IRF8: variants seen among roughly 807,000 people sequenced by gnomAD.
The protein encoded by IRF8 is interferon regulatory factor 8.
A neutral mutation model predicts 48.7 loss-of-function variants in IRF8; 14 were observed. The observed-to-expected ratio is 0.29, with a 90% confidence interval of 0.19 to 0.45. The LOEUF is 0.45. IRF8 is among the 20% of genes least tolerant of loss of function. The pLI is 1.00. For synonymous variants in IRF8, 278 were observed against 227.3 expected (o/e 1.22, Z -2.01); for missense variants, 493 against 580.7 (o/e 0.85, Z 1.55).
Position 85,914,531 on chromosome 16 carries a change from G to C in IRF8, c.601+11G>C, listed in dbSNP as rs369687185. 123 of 1,613,936 alleles carry C rather than the reference G, an allele frequency of 7.6e-5. No individual in the cohort carries two copies. Among genetic ancestry groups the C allele is most frequent in the Non-Finnish European group, 1.0e-4 (120 of 1,180,012 alleles). On this transcript the variant is annotated intron_variant, in intron 6 of 8. Coordinates refer to ENST00000268638, the MANE Select transcript of IRF8 (RefSeq NM_002163.4). ...ACGCGCACCATTCAGGTACGGGGTGGTCCGGGCTGAGAGGGGCGTGGGCAC... is the reference window on the plus strand; with the variant it reads ...ACGCGCACCATTCAGGTACGGGGTGCTCCGGGCTGAGAGGGGCGTGGGCAC...
chr16:85,914,311 GGT>G (rs1466768809), intron 5 of IRF8, 160 bp from the exon 6 acceptor site: 2 of 758,360 alleles, frequency 2.6e-6, no homozygotes, highest in African/African-American at 3.5e-5. Context: ...TCTCTGCTCT[GGT>G]GGGGAAAAGC....
At chr16:85,904,315 A>G (rs1904921851) in intron 2 of IRF8, among the ~76,000 whole-genome samples, 1 of 152,148 alleles carries the variant, frequency 6.6e-6, no homozygotes, top group African/African-American at 2.4e-5. Context: ...GGGGGCCAGA[A>G]TCAGACCTGA....
chr16:85,921,246 A>T lies in IRF8; in HGVS notation c.1245A>T (p.Arg415Ser), dbSNP rs1346006665. 6.2e-7 allele frequency: 1 copy of T among 1,614,196 alleles called. No individual in the cohort carries two copies. The highest frequency in any genetic ancestry group is 2.2e-5 in the East Asian group (1 of 44,888). The part of the protein sequence containing the change: ...MFPDICASHQ[R>S]SFFRENQQIT... ...CAGATATTTGTGCCTCACACCAGAG[A>T]TCATTTTTCAGAGAAAACCAACAGA... Residue 415 changes from arginine (R) to serine (S), a missense_variant, in exon 9 of 9, where the codon AGA becomes AGT. Physicochemically the swap from Arg to Ser is moderately radical, Grantham distance 110. Coordinates refer to ENST00000268638, the MANE Select transcript of IRF8 (RefSeq NM_002163.4).
intron 6 of IRF8, among the ~76,000 whole-genome samples, chr16:85,914,837 G>C (rs531324425): frequency 6.6e-6 from 1 of 152,130 alleles, no homozygotes; most frequent in Non-Finnish European, 1.5e-5. Context: ...ACCTGGTGTG[G>C]AAGTCGAGGC....
At chr16:85,914,767 G>A (rs578149165) in intron 6 of IRF8, among the ~76,000 whole-genome samples, 10 of 151,658 alleles carry the variant, frequency 6.6e-5, no homozygotes, top group African/African-American at 2.2e-4. Flanking sequence ...TCGAGGCTCC[G>A]TTCCGAGGAT....
At chr16:85,900,656 C>T (rs1035276979) in intron 1 of IRF8, among the ~76,000 whole-genome samples, 19 of 152,184 alleles carry the variant, frequency 1.2e-4, no homozygotes, top group Admixed American at 1.3e-4. Context: ...CTGGCTGCCT[C>T]GGTATTTGCC....
At chr16:85,899,563 C>T (rs764881397) in intron 1 of IRF8, among the ~76,000 whole-genome samples, 2 of 152,194 alleles carry the variant, frequency 1.3e-5, no homozygotes, top group African/African-American at 2.4e-5. Flanking sequence ...GAAACGCGCT[C>T]TATCATCCCA....
At chr16:85,912,368 TTGTG>T (rs1272251091) in intron 4 of IRF8, among the ~76,000 whole-genome samples, 1 of 152,182 alleles carries the variant, frequency 6.6e-6, no homozygotes, top group African/African-American at 2.4e-5. Context: ...TTGCAAAAGG[TTGTG>T]TGTGAGTACT....
chr16:85,911,429 C>G lies in IRF8; in HGVS notation c.359-141C>G, dbSNP rs542540373. The G allele has an allele frequency of 1.4e-5, 10 of 725,536 alleles. No homozygotes were observed. In the African/African-American group the frequency reaches 1.6e-4, roughly 11 times the overall value. 44.9% of individuals were successfully genotyped at this position (725,536 alleles called of 1,614,324 possible). A position where few individuals can be genotyped will look rare whatever the true frequency, so the allele number is the denominator to read the frequency against. ...ATGACTGAAGCATGGGAAAAAAATTCTGTGCCTTTCCCAAACCAATGAAGA... is the reference window on the plus strand; with the variant it reads ...ATGACTGAAGCATGGGAAAAAAATTGTGTGCCTTTCCCAAACCAATGAAGA... On this transcript the variant is annotated intron_variant, in intron 3 of 8. Coordinates refer to ENST00000268638, the MANE Select transcript of IRF8 (RefSeq NM_002163.4).
intron 7 of IRF8, 143 bp from the exon 8 acceptor site, chr16:85,919,966 A>T (rs982403035): frequency 9.8e-6 from 7 of 716,948 alleles, no homozygotes; most frequent in Non-Finnish European, 1.8e-5. Flanking sequence ...AATTTGGCCC[A>T]AGGGCCACCA....
chr16:85,908,573 T>C (rs1304109884), intron 2 of IRF8, among the ~76,000 whole-genome samples: 1 of 152,158 alleles, frequency 6.6e-6, no homozygotes, highest in East Asian at 1.9e-4. Context: ...ATTTTAGGGG[T>C]TGATCTGAAA....
At chr16:85,918,926 C>T (rs1905431379) in intron 7 of IRF8, 123 bp downstream of exon 7, 1 of 1,257,004 alleles carries the variant, frequency 8.0e-7, no homozygotes. Context: ...GAGTGAGGGG[C>T]ATGGTGTGGC....
intron 2 of IRF8, among the ~76,000 whole-genome samples, chr16:85,908,260 C>T (rs974342364): frequency 2.6e-5 from 4 of 152,210 alleles, no homozygotes; most frequent in Admixed American, 2.0e-4. Context: ...AGCTTAAAAT[C>T]TGTCCATTCA....
intron 6 of IRF8, among the ~76,000 whole-genome samples, chr16:85,915,824 G>T (rs998989087): frequency 6.6e-6 from 1 of 152,184 alleles, no homozygotes; most frequent in African/African-American, 2.4e-5. Flanking sequence ...CACAATTTGG[G>T]GAGAGCATGT....
At position 85,914,453 on chromosome 16, in the gene IRF8, C is replaced by T. The variant is rs371926445; in HGVS notation, c.554-20C>T. On this transcript the variant is annotated intron_variant, in intron 5 of 8. Coordinates refer to ENST00000268638, the MANE Select transcript of IRF8 (RefSeq NM_002163.4). ...CCACACCTGGGTGGCTCTGAGCTTG[C>T]TTTTCTGTTTCTCCTGCAGGCGTGC... The T allele has an allele frequency of 1.2e-6, 2 of 1,614,150 alleles. No individual in the cohort carries two copies. The highest frequency in any genetic ancestry group is 1.7e-6 in the Non-Finnish European group (2 of 1,180,002).
chr16:85,914,126 A>T (rs1905226154), intron 5 of IRF8: 1 of 353,296 alleles, frequency 2.8e-6, no homozygotes, highest in South Asian at 2.5e-5. Flanking sequence ...TCTCCCCCAG[A>T]GATAAGCCCT....
intron 8 of IRF8, among the ~76,000 whole-genome samples, chr16:85,920,448 A>G (rs1905514889): frequency 6.6e-6 from 1 of 152,042 alleles, no homozygotes; most frequent in Non-Finnish European, 1.5e-5. Flanking sequence ...GGGTTTCACC[A>G]TGTTGGCCAG....
At chr16:85,915,117 G>GGAGCCTTGGTCAC (rs34471810) in intron 6 of IRF8, among the ~76,000 whole-genome samples, 2,427 of 152,062 alleles carry the variant, frequency 0.016, 70 homozygotes, top group African/African-American at 0.055. Flanking sequence ...CGCGGGCTCA[G>GGAGCCTTGGTCAC]GTAGCTTGTG....
chr16:85,905,531 GAGGGAGA>G (rs987277953), intron 2 of IRF8, among the ~76,000 whole-genome samples: 62 of 152,350 alleles, frequency 4.1e-4, no homozygotes, highest in African/African-American at 1.4e-3. Context: ...ATGGGGCCAG[GAGGGAGA>G]CGCGGGTGCC....
Sources: allele counts gnomAD v4.1 joint callset (sites outside exome capture counted in the v4.1 genomes callset), GRCh38; gene constraint gnomAD v4.1.1; transcripts MANE v1.5; gene names NCBI Gene and HGNC (gene_info 2026-07-23, HGNC 2026-07-21).